The following SMAD3 variants were observed in gnomAD, a reference collection of about 807,000 sequenced individuals.
The protein encoded by SMAD3 is MAD homolog 3.
Under a neutral mutation model 51.8 loss-of-function variants are expected in SMAD3, and 12 were observed. The ratio of observed to expected loss-of-function variants is 0.23; its 90% CI spans 0.15 to 0.38. The LOEUF (loss-of-function observed/expected upper bound fraction) is 0.38. SMAD3 is among the 10% of genes least tolerant of loss of function. SMAD3 has a pLI of 1.00. For synonymous variants in SMAD3, 238 were observed against 227.7 expected (o/e 1.05, Z -0.41); for missense variants, 294 against 565.6 (o/e 0.52, Z 4.87).
At chr15:67,140,926 C>T (rs916156198) in intron 1 of SMAD3, among the ~76,000 whole-genome samples, 19 of 152,084 alleles carry the variant, frequency 1.2e-4, no homozygotes, top group African/African-American at 4.3e-4. Flanking sequence ...AACTTGTTGC[C>T]AGATCTTCTG....
chr15:67,099,467 T>A (rs9972423), intron 1 of SMAD3, among the ~76,000 whole-genome samples: 45,852 of 152,154 alleles, frequency 0.3, 8,079 homozygotes, highest in Middle Eastern at 0.47. Flanking sequence ...TTTGGTAAAT[T>A]TCATGTGGCA....
intron 1 of SMAD3, among the ~76,000 whole-genome samples, chr15:67,114,410 C>T (rs189241501): frequency 2.6e-3 from 391 of 152,310 alleles, no homozygotes; most frequent in Middle Eastern, 3.4e-3. Context: ...GCTCCCTCAC[C>T]GGGGGCAAGG....
chr15:67,093,234 T>A (rs367870851), intron 1 of SMAD3, among the ~76,000 whole-genome samples: 6 of 152,192 alleles, frequency 3.9e-5, no homozygotes, highest in African/African-American at 1.4e-4. Flanking sequence ...GAGATGTACT[T>A]TTCTTATCTG....
intron 1 of SMAD3, chr15:67,125,721 T>A: frequency 1.0e-6 from 1 of 983,166 alleles, no homozygotes; most frequent in African/African-American, 1.7e-5. Context: ...GCCTGAAATA[T>A]GAGCTTGTGC....
rs1159479064 is a variant in SMAD3 at position 67,105,685 on chromosome 15, GCA to G, written c.206+39328_206+39329del. 2.0e-5 allele frequency among the ~76,000 whole-genome samples: 3 copies of G among 152,312 alleles called. No homozygotes were observed. The East Asian group carries it at 5.8e-4, about 29-fold the overall frequency. ...AGGGAAAGCCTTTCTCTCTGACAGG[GCA>G]CAGGAGGGAGAAACAGGAATGTGTC... On this transcript the variant is annotated intron_variant, in intron 1 of 8. Coordinates refer to ENST00000327367, the MANE Select transcript of SMAD3 (RefSeq NM_005902.4).
rs923328518 is a variant in SMAD3 at position 67,113,069 on chromosome 15, T to C, written c.206+46709T>C. Reference sequence around the variant, plus strand: ...TATTAATCAACTTTTAAAATATATATATATGTGTATATATATATATATATA... The same window carrying C: ...TATTAATCAACTTTTAAAATATATACATATGTGTATATATATATATATATA... On this transcript the variant is annotated intron_variant, in intron 1 of 8. Coordinates refer to ENST00000327367, the MANE Select transcript of SMAD3 (RefSeq NM_005902.4). Among the ~76,000 whole-genome samples the C allele has an allele frequency of 2.5e-4, 9 of 36,106 alleles. 2 individuals are homozygous for C. Among genetic ancestry groups the C allele is most frequent in the Non-Finnish European group, 4.1e-4 (8 of 19,298 alleles). 23.7% of individuals were successfully genotyped at this position (36,106 alleles called of 152,430 possible).
intron 1 of SMAD3, among the ~76,000 whole-genome samples, chr15:67,095,347 G>A (rs141108718): frequency 2.1e-3 from 325 of 152,218 alleles, no homozygotes; most frequent in African/African-American, 7.5e-3. Context: ...TCAGAGTGTG[G>A]GGTCCTAACC....
intron 8 of SMAD3, among the ~76,000 whole-genome samples, chr15:67,188,148 C>CTTTTTTTTTT (rs11367565): frequency 1.7e-5 from 2 of 115,996 alleles, no homozygotes; most frequent in Non-Finnish European, 3.6e-5. Flanking sequence ...TTTTCTTTTT[C>CTTTTTTTTTT]TTTTTTTTTT....
chr15:67,163,630 C>T lies in SMAD3; in HGVS notation c.207-1265C>T, dbSNP rs73483397. 2.3e-4 allele frequency among the ~76,000 whole-genome samples: 35 copies of T among 152,212 alleles called. 1 individual carries two copies. Among genetic ancestry groups the T allele is most frequent in the Admixed American group, 1.9e-3 (29 of 15,286 alleles). ...TTCTGATTTAGTAGGTTGGGGTAGGCGCTGAGAATGTACATTTTTAACAAA... is the reference window on the plus strand; with the variant it reads ...TTCTGATTTAGTAGGTTGGGGTAGGTGCTGAGAATGTACATTTTTAACAAA... On this transcript the variant is annotated intron_variant, in intron 1 of 8. Transcript: ENST00000327367.
chr15:67,100,921 G>T (rs1158887470), intron 1 of SMAD3, among the ~76,000 whole-genome samples: 1 of 152,212 alleles, frequency 6.6e-6, no homozygotes, highest in Non-Finnish European at 1.5e-5. Flanking sequence ...CAGTGGAAAA[G>T]GGGGTTTTGG....
At chr15:67,122,662 G>A (rs143546043) in intron 1 of SMAD3, among the ~76,000 whole-genome samples, 179 of 152,224 alleles carry the variant, frequency 1.2e-3, no homozygotes, top group Middle Eastern at 0.01. Context: ...ACTTTCTTAG[G>A]AAAGTAATCA....
In SMAD3 at chr15:67,120,608, A is replaced by G. The variant is rs190964061; in HGVS notation, c.207-44287A>G. Among the ~76,000 whole-genome samples the G allele has an allele frequency of 2.4e-4, 36 of 152,312 alleles. No homozygotes were observed. In the East Asian group the frequency reaches 5.6e-3, roughly 24 times the overall value. On this transcript the variant is annotated intron_variant, in intron 1 of 8. Coordinates refer to ENST00000327367, the MANE Select transcript of SMAD3 (RefSeq NM_005902.4). ...TGCGAGGAGGGCAGAGGCACTGTGC[A>G]ATGGTGTTGCCTGGGAACACTCCGT...
In SMAD3 at chr15:67,181,279, T is replaced by G; in HGVS notation, c.697T>G (p.Cys233Gly). The G allele has an allele frequency of 6.2e-7, 1 of 1,613,618 alleles. No individual in the cohort carries two copies. The highest frequency in any genetic ancestry group is 8.5e-7 in the Non-Finnish European group (1 of 1,180,014). Residue 233 changes from cysteine to glycine, a missense_variant, in exon 6 of 9, where the codon TGC becomes GGC. By Grantham distance (159) the Cys-to-Gly change is radical (BLOSUM62 -3). Coordinates refer to ENST00000327367, the MANE Select transcript of SMAD3 (RefSeq NM_005902.4). ...PVTYCEPAFW[C>G]SISYYELNQR... ...TACCTACTGCGAGCCGGCCTTCTGG[T>G]GCTCCATCTCCTACTACGAGCTGAA...
At chr15:67,066,634 G>A (rs1168119756) in intron 1 of SMAD3, among the ~76,000 whole-genome samples, 3 of 152,182 alleles carry the variant, frequency 2.0e-5, no homozygotes, top group East Asian at 1.9e-4. Context: ...CTCCGGGAGG[G>A]GAGAGCGGGT....
At chr15:67,138,075 C>T in intron 1 of SMAD3, 1 of 1,551,756 alleles carries the variant, frequency 6.4e-7, no homozygotes, top group Non-Finnish European at 8.7e-7. Context: ...AGCTCTGGTA[C>T]ACCGGAAAGC....
At chr15:67,147,119 A>G (rs992369968) in intron 1 of SMAD3, among the ~76,000 whole-genome samples, 5 of 152,146 alleles carry the variant, frequency 3.3e-5, no homozygotes, top group African/African-American at 7.2e-5. Flanking sequence ...TTACCAAACA[A>G]TCCAGGCCCC....
intron 7 of SMAD3, 35 bp from the exon 8 acceptor site, chr15:67,187,323 GCCACTTC>G: frequency 1.9e-6 from 3 of 1,613,878 alleles, no homozygotes; most frequent in Non-Finnish European, 2.5e-6. Flanking sequence ...AACGGACCTG[GCCACTTC>G]CATCCCCACA....
At chr15:67,123,529 T>C (rs1961317385) in intron 1 of SMAD3, among the ~76,000 whole-genome samples, 1 of 152,134 alleles carries the variant, frequency 6.6e-6, no homozygotes, top group African/African-American at 2.4e-5. Context: ...TTCTAACATG[T>C]TTGAGATTGA....
At chr15:67,138,093 A>T (rs1356547633) in intron 1 of SMAD3, 1 of 1,551,422 alleles carries the variant, frequency 6.4e-7, no homozygotes. Flanking sequence ...AGCATGGTGG[A>T]TGGGGAGGTA....
Sources: allele counts gnomAD v4.1 joint callset (sites outside exome capture counted in the v4.1 genomes callset), GRCh38; gene constraint gnomAD v4.1.1; transcripts MANE v1.5; gene names NCBI Gene and HGNC (gene_info 2026-07-23, HGNC 2026-07-21).